DCC: variants seen among roughly 807,000 people sequenced by gnomAD.
DCC encodes netrin receptor DCC.
DCC carries 58 observed loss-of-function variants against 172.5 expected under a neutral mutation model. The ratio of observed to expected loss-of-function variants is 0.34; its 90% CI spans 0.27 to 0.42. The LOEUF (loss-of-function observed/expected upper bound fraction) is 0.42, where lower values mean the gene tolerates loss of function less well. DCC is among the 10% of genes least tolerant of loss of function. DCC has a pLI of 1.00. For missense variants in DCC, 1,740 were observed against 1,791.0 expected (o/e 0.97, Z 0.51); for synonymous variants, 709 against 644.5 (o/e 1.10, Z -1.52).
At chr18:53,456,368 C>T in intron 23 of DCC, among the ~76,000 whole-genome samples, 1 of 152,078 alleles carries the variant, frequency 6.6e-6, no homozygotes, top group East Asian at 1.9e-4. Flanking sequence ...TCTTTGTTTG[C>T]CTTTATCAAG....
chr18:52,486,685 G>A (rs1468789341), intron 1 of DCC, among the ~76,000 whole-genome samples: 2 of 151,988 alleles, frequency 1.3e-5, no homozygotes, highest in Non-Finnish European at 2.9e-5. Context: ...GATAGAATAC[G>A]AACCACAAAT....
At chr18:52,637,942 A>G (rs1188797420) in intron 1 of DCC, among the ~76,000 whole-genome samples, 1 of 152,242 alleles carries the variant, frequency 6.6e-6, no homozygotes, top group Non-Finnish European at 1.5e-5. Flanking sequence ...CTATAAAGGA[A>G]AACCTATCAT....
At chr18:53,007,810 G>C (rs559859537) in intron 5 of DCC, among the ~76,000 whole-genome samples, 1 of 152,166 alleles carries the variant, frequency 6.6e-6, no homozygotes, top group African/African-American at 2.4e-5. Flanking sequence ...ATAAAATATA[G>C]TAGCAAATGA....
At chr18:53,187,886 G>A (rs1480385219) in intron 9 of DCC, among the ~76,000 whole-genome samples, 1 of 152,142 alleles carries the variant, frequency 6.6e-6, no homozygotes, top group African/African-American at 2.4e-5. Context: ...AAGATTTTAA[G>A]CCTATGACAA....
At chr18:53,261,041 G>T (rs1011145910) in intron 12 of DCC, among the ~76,000 whole-genome samples, 2 of 152,172 alleles carry the variant, frequency 1.3e-5, no homozygotes, top group Non-Finnish European at 2.9e-5. Context: ...CATTTGCTAA[G>T]ACCGTTGGAA....
chr18:53,403,115 C>G (rs1909431917), intron 19 of DCC, among the ~76,000 whole-genome samples: 1 of 110,820 alleles, frequency 9.0e-6, no homozygotes, highest in African/African-American at 3.1e-5. Context: ...CACACACACA[C>G]ACACGTCATT....
chr18:52,872,489 T>C (rs2039336759), intron 2 of DCC, among the ~76,000 whole-genome samples: 1 of 152,250 alleles, frequency 6.6e-6, no homozygotes, highest in African/African-American at 2.4e-5. Context: ...GGGCTACTTC[T>C]GTTTGCTAGC....
intron 22 of DCC, among the ~76,000 whole-genome samples, chr18:53,447,529 G>T (rs1379887288): frequency 1.3e-5 from 2 of 151,928 alleles, no homozygotes; most frequent in Non-Finnish European, 2.9e-5. Flanking sequence ...TGTCTTCCAG[G>T]GTGAAAAGAA....
At chr18:52,646,178 T>A (rs551063230) in intron 1 of DCC, among the ~76,000 whole-genome samples, 1 of 152,320 alleles carries the variant, frequency 6.6e-6, no homozygotes, top group Non-Finnish European at 1.5e-5. Context: ...TAACCCTGCA[T>A]GCATTGTTTT....
At chr18:52,693,365 A>G (rs894548494) in intron 1 of DCC, among the ~76,000 whole-genome samples, 1 of 147,958 alleles carries the variant, frequency 6.8e-6, no homozygotes, top group African/African-American at 2.5e-5. Flanking sequence ...GGTAGAATAT[A>G]TAACTATATA....
chr18:53,320,793 A>G (rs1454003487), intron 13 of DCC, among the ~76,000 whole-genome samples: 1 of 152,140 alleles, frequency 6.6e-6, no homozygotes, highest in African/African-American at 2.4e-5. Flanking sequence ...GGCCCTATGA[A>G]TATGCAATTA....
chr18:52,938,090 C>T (rs1451031874), intron 5 of DCC, among the ~76,000 whole-genome samples: 6 of 152,050 alleles, frequency 3.9e-5, no homozygotes, highest in Admixed American at 2.0e-4. Flanking sequence ...ACGCATTCTC[C>T]GTGATTACTC....
At chr18:53,317,983 A>T (rs747813807) in intron 13 of DCC, among the ~76,000 whole-genome samples, 1 of 151,416 alleles carries the variant, frequency 6.6e-6, no homozygotes, top group Admixed American at 6.6e-5. Context: ...TATCTCCTTC[A>T]TTTCTGCTCT....
At chr18:52,609,974 G>A (rs982932712) in intron 1 of DCC, among the ~76,000 whole-genome samples, 13 of 150,722 alleles carry the variant, frequency 8.6e-5, no homozygotes, top group Admixed American at 6.6e-4. Flanking sequence ...AAATGTACTG[G>A]TTTCTAAAAG....
chr18:52,605,792 T>C (rs2034120311), intron 1 of DCC, among the ~76,000 whole-genome samples: 1 of 152,064 alleles, frequency 6.6e-6, no homozygotes, highest in South Asian at 2.1e-4. Flanking sequence ...GCATTACTTA[T>C]GAAGGATAAT....
In DCC at chr18:52,389,157, A is replaced by AT. The variant is rs1342994223; in HGVS notation, c.91+48284dup. On this transcript the variant is annotated intron_variant, in intron 1 of 28. Coordinates refer to ENST00000442544, the MANE Select transcript of DCC (RefSeq NM_005215.4). ...TCCATTTCATCTTGTCGATGAGTTCATTTTTGCAGTGGCTTATAACCAGAA... is the reference window on the plus strand; with the variant it reads ...TCCATTTCATCTTGTCGATGAGTTCATTTTTTGCAGTGGCTTATAACCAGAA... Among the ~76,000 whole-genome samples, 6 of 152,102 alleles carry AT rather than the reference A, an allele frequency of 3.9e-5. No individual in the cohort carries two copies. The East Asian group carries it at 1.2e-3, about 30-fold the overall frequency.
chr18:53,355,094 G>T (rs1010010446), intron 15 of DCC, among the ~76,000 whole-genome samples: 5 of 152,004 alleles, frequency 3.3e-5, no homozygotes, highest in Admixed American at 6.6e-5. Flanking sequence ...TAGATGTGTG[G>T]TATTATTTCT....
At chr18:52,891,357 T>A (rs1295154452) in intron 2 of DCC, among the ~76,000 whole-genome samples, 1 of 152,132 alleles carries the variant, frequency 6.6e-6, no homozygotes, top group Non-Finnish European at 1.5e-5. Flanking sequence ...ACATTAGTTT[T>A]GTTAAATTAT....
chr18:53,323,302 C>T (rs531093086), intron 14 of DCC, among the ~76,000 whole-genome samples: 7 of 152,080 alleles, frequency 4.6e-5, no homozygotes, highest in Non-Finnish European at 8.8e-5. Context: ...ACCTCACTAT[C>T]ATTAATGATT....
Sources: gnomAD v4.1 joint callset for allele counts (sites outside exome capture counted in the v4.1 genomes callset) on GRCh38, gnomAD v4.1.1 for gene constraint, MANE v1.5 for transcripts, NCBI Gene and HGNC (gene_info 2026-07-23, HGNC 2026-07-21) for gene names.